NXPE4: variants seen among roughly 807,000 people sequenced by gnomAD.
NXPE4 encodes the protein NXPE family member 4.
A neutral mutation model predicts 33.3 loss-of-function variants in NXPE4; 42 were observed. The observed-to-expected ratio is 1.26, with a 90% confidence interval of 0.98 to 1.63. The LOEUF is 1.63. NXPE4 is among the 40% of genes most tolerant of loss of function. NXPE4 has a pLI of 0.00. For synonymous variants in NXPE4, 253 were observed against 234.9 expected (o/e 1.08, Z -0.71); for missense variants, 709 against 647.6 (o/e 1.09, Z -1.03).
At chr11:114,658,878 G>C in the NXPE4 span, among the ~76,000 whole-genome samples, 1 of 152,262 alleles carries the variant, frequency 6.6e-6, no homozygotes, top group East Asian at 1.9e-4. Flanking sequence ...TCTCCCAGTA[G>C]GCTAGGCAGC....
chr11:114,614,367 T>G, the NXPE4 span, among the ~76,000 whole-genome samples: 1 of 151,782 alleles, frequency 6.6e-6, no homozygotes, highest in African/African-American at 2.4e-5. Flanking sequence ...GGGTAACCAC[T>G]GTTACCTGGT....
chr11:114,625,350 A>T, the NXPE4 span, among the ~76,000 whole-genome samples: 2 of 152,138 alleles, frequency 1.3e-5, no homozygotes, highest in East Asian at 3.9e-4. Flanking sequence ...TACTGGGTGT[A>T]TAATAAGTAT....
At chr11:114,667,821 G>C in the NXPE4 span, among the ~76,000 whole-genome samples, 1 of 152,152 alleles carries the variant, frequency 6.6e-6, no homozygotes, top group Non-Finnish European at 1.5e-5. Flanking sequence ...CATACTGACA[G>C]AGACCTCATT....
At chr11:114,638,128 C>A in the NXPE4 span, among the ~76,000 whole-genome samples, 1 of 151,678 alleles carries the variant, frequency 6.6e-6, no homozygotes, top group Non-Finnish European at 1.5e-5. Context: ...GGTCTTGTCA[C>A]ATAGTCCCAT....
the NXPE4 span, among the ~76,000 whole-genome samples, chr11:114,672,839 T>A: frequency 6.6e-6 from 1 of 151,494 alleles, no homozygotes; most frequent in Non-Finnish European, 1.5e-5. Flanking sequence ...AAAAAAGAAA[T>A]AGACAATTCA....
At chr11:114,592,942 A>G (rs1460400513) in intron 2 of NXPE4, among the ~76,000 whole-genome samples, 5 of 152,190 alleles carry the variant, frequency 3.3e-5, no homozygotes, top group African/African-American at 1.2e-4. Flanking sequence ...AGTATTTAAA[A>G]TAGATGGTGC....
At position 114,582,799 on chromosome 11, in the gene NXPE4, G is replaced by A; in HGVS notation, c.319C>T (p.Pro107Ser). 2 of 1,614,156 alleles carry A rather than the reference G, an allele frequency of 1.2e-6. No individual in the cohort carries two copies. Among genetic ancestry groups the A allele is most frequent in the Non-Finnish European group, 1.7e-6 (2 of 1,179,998 alleles). Residue 107 changes from proline (P) to serine (S), a missense_variant, in exon 3 of 6, where the codon CCT becomes TCT. Coordinates refer to ENST00000375478, the MANE Select transcript of NXPE4 (RefSeq NM_001077639.2). ...ATHSTATILNPRDTYCRGDQL... is the reference protein window; with the variant it reads ...ATHSTATILNSRDTYCRGDQL... ...TCTCCCCTGCAGTACGTATCTCGAG[G>A]GTTGAGGATGGTGGCTGTGCTATGT...
At chr11:114,653,747 C>G in the NXPE4 span, among the ~76,000 whole-genome samples, 1 of 151,984 alleles carries the variant, frequency 6.6e-6, no homozygotes, top group Non-Finnish European at 1.5e-5. Flanking sequence ...CCAGGATGGT[C>G]TTGATCTCCT....
the NXPE4 span, among the ~76,000 whole-genome samples, chr11:114,661,528 T>A: frequency 6.6e-6 from 1 of 152,212 alleles, no homozygotes; most frequent in African/African-American, 2.4e-5. Context: ...TCAAAAGTAC[T>A]CTCCTCTGAG....
the NXPE4 span, among the ~76,000 whole-genome samples, chr11:114,635,766 T>C: frequency 2.6e-5 from 4 of 152,120 alleles, no homozygotes. Flanking sequence ...CTGGATTACA[T>C]TTATTGATTT....
chr11:114,572,823 G>T (rs984173725), intron 5 of NXPE4, among the ~76,000 whole-genome samples: 1 of 152,170 alleles, frequency 6.6e-6, no homozygotes, highest in Non-Finnish European at 1.5e-5. Context: ...CCCTGGCCTT[G>T]CTAGAGATCT....
the NXPE4 span, among the ~76,000 whole-genome samples, chr11:114,639,556 G>A: frequency 6.6e-6 from 1 of 150,846 alleles, no homozygotes; most frequent in African/African-American, 2.4e-5. Flanking sequence ...GCTGTCTTCT[G>A]CATCGCTCAG....
chr11:114,624,298 G>A, the NXPE4 span, among the ~76,000 whole-genome samples: 1 of 152,004 alleles, frequency 6.6e-6, no homozygotes, highest in African/African-American at 2.4e-5. Context: ...CTGTTACCCG[G>A]TGGATAATAA....
the NXPE4 span, among the ~76,000 whole-genome samples, chr11:114,606,516 A>T: frequency 6.6e-6 from 1 of 151,720 alleles, no homozygotes; most frequent in Non-Finnish European, 1.5e-5. Context: ...CTCTAGGGTA[A>T]CCACTGTTAC....
chr11:114,655,978 A>G, the NXPE4 span, among the ~76,000 whole-genome samples: 2 of 152,176 alleles, frequency 1.3e-5, no homozygotes, highest in African/African-American at 4.8e-5. Context: ...GGAAGAGAGG[A>G]AGTCAAATTG....
chr11:114,641,386 A>C, the NXPE4 span, among the ~76,000 whole-genome samples: 1 of 152,118 alleles, frequency 6.6e-6, no homozygotes, highest in Non-Finnish European at 1.5e-5. Flanking sequence ...TGAGTCACAA[A>C]GGAAATCTCA....
At chr11:114,589,020 G>A (rs1271689286) in intron 2 of NXPE4, among the ~76,000 whole-genome samples, 1 of 152,184 alleles carries the variant, frequency 6.6e-6, no homozygotes, top group Non-Finnish European at 1.5e-5. Flanking sequence ...ACAAGAGAAG[G>A]ACTGAGGCTC....
the NXPE4 span, among the ~76,000 whole-genome samples, chr11:114,656,472 G>C: frequency 2.0e-5 from 3 of 152,028 alleles, no homozygotes; most frequent in Non-Finnish European, 4.4e-5. Context: ...CTATAGCCAA[G>C]ACAATTCTAA....
the NXPE4 span, among the ~76,000 whole-genome samples, chr11:114,663,990 T>A: frequency 2.0e-5 from 3 of 152,174 alleles, no homozygotes; most frequent in Admixed American, 2.0e-4. Context: ...TTTGACAGTT[T>A]CTTATAATGT....
Sources: gnomAD v4.1 joint callset for allele counts (sites outside exome capture counted in the v4.1 genomes callset) on GRCh38, gnomAD v4.1.1 for gene constraint, MANE v1.5 for transcripts, NCBI Gene and HGNC (gene_info 2026-07-23, HGNC 2026-07-21) for gene names.